The following DERL2 variants were observed in gnomAD, a reference collection of about 807,000 sequenced individuals.
DERL2 encodes the protein derlin 2, also known as derlin-2.
In DERL2, 13 loss-of-function variants were observed where a neutral mutation model predicts 32.0. The observed-to-expected ratio is 0.41, with a 90% CI of 0.26 to 0.65. DERL2 has a LOEUF of 0.65. Ranked by LOEUF, DERL2 falls within the 30% of genes least tolerant of loss-of-function variation. The pLI is 0.35. For synonymous variants in DERL2, 111 were observed against 104.7 expected, an observed-to-expected ratio of 1.06 and a Z score of -0.37; for missense variants, 208 against 296.3, an observed-to-expected ratio of 0.70 and a Z score of 2.19.
chr17:5,485,108 G>A, intron 2 of DERL2, 43 bp downstream of exon 2: 1 of 1,378,062 alleles, frequency 7.3e-7, no homozygotes. Flanking sequence ...GTAAGAAAAA[G>A]AAGAAACTGA....
At chr17:5,486,348 TCGCCAC>T, upstream of DERL2, 1 of 382,588 alleles carries the variant, frequency 2.6e-6, no homozygotes, top group Non-Finnish European at 4.6e-6. Context: ...ACGAGTTGCG[TCGCCAC>T]CGCCCCCCCC....
At chr17:5,475,432 G>T (rs1167552579) in intron 6 of DERL2, among the ~76,000 whole-genome samples, 5 of 151,198 alleles carry the variant, frequency 3.3e-5, no homozygotes, top group Non-Finnish European at 7.4e-5. Context: ...GCTGATTTTT[G>T]TATTTTTAGG....
At chr17:5,486,421 G>C (rs1906322616), upstream of DERL2, 2 of 437,018 alleles carry the variant, frequency 4.6e-6, no homozygotes, top group Admixed American at 3.8e-5. Flanking sequence ...GGAAAAACGA[G>C]TAAGTACAGG....
At chr17:5,486,228 G>T, upstream of DERL2, 3 of 1,363,344 alleles carry the variant, frequency 2.2e-6, no homozygotes, top group Non-Finnish European at 1.9e-6. Flanking sequence ...AGGCCCCGGC[G>T]GCGGGGCGGG....
chr17:5,486,252 C>A, upstream of DERL2: 2 of 1,111,924 alleles, frequency 1.8e-6, no homozygotes, highest in Non-Finnish European at 2.5e-6. Context: ...AAAGGCCCCC[C>A]GCCCACTTTA....
chr17:5,478,223 A>G (rs1905516930), intron 6 of DERL2, among the ~76,000 whole-genome samples: 1 of 152,156 alleles, frequency 6.6e-6, no homozygotes, highest in African/African-American at 2.4e-5. Flanking sequence ...TTAAGAAAGA[A>G]AATAAGCAGA....
chr17:5,479,195 C>T (rs918000526), intron 6 of DERL2, among the ~76,000 whole-genome samples: 1 of 152,190 alleles, frequency 6.6e-6, no homozygotes, highest in African/African-American at 2.4e-5. Flanking sequence ...ATAGTGTATG[C>T]AGCCTTGCCT....
In DERL2 at chr17:5,481,191, G is replaced by C; in HGVS notation, c.327+105C>G. The C allele has an allele frequency of 1.2e-6, 1 of 838,736 alleles. No individual in the cohort carries two copies. Among genetic ancestry groups the C allele is most frequent in the Non-Finnish European group, 2.0e-6 (1 of 498,340 alleles). The allele number at this position is 838,736 out of a possible 1,614,324, so 52.0% of individuals were successfully genotyped here. On this transcript the variant is annotated intron_variant, in intron 4 of 6. Transcript: ENST00000158771. This position sits in a 1 kb window ranked among gnomAD's most constrained non-coding sequence, Gnocchi z 4.4. Reference sequence around the variant, plus strand: ...AAAATGTGCTGTAAAATAAATGATAGTGCCCTGAAGCTAAGATCTAGAGAA... The same window carrying C: ...AAAATGTGCTGTAAAATAAATGATACTGCCCTGAAGCTAAGATCTAGAGAA...
intron 2 of DERL2, among the ~76,000 whole-genome samples, chr17:5,484,405 C>T (rs1906008776): frequency 6.6e-6 from 1 of 152,254 alleles, no homozygotes; most frequent in Non-Finnish European, 1.5e-5. Flanking sequence ...TGCCATCACG[C>T]CTGGCTAATT....
upstream of DERL2, chr17:5,486,809 TCC>T: frequency 6.6e-6 from 1 of 152,638 alleles, no homozygotes; most frequent in Non-Finnish European, 1.5e-5. Flanking sequence ...GACCTGAAGA[TCC>T]CAGCATGCAG....
In DERL2 at chr17:5,479,089, G is replaced by A. The variant is rs377106042; in HGVS notation, c.614+965C>T. 2.5e-4 allele frequency among the ~76,000 whole-genome samples: 38 copies of A among 152,262 alleles called. No homozygotes were observed. In the East Asian group the frequency reaches 3.7e-3, roughly 15 times the overall value. ...TCTGCCTTCACCTCTCAAAGTGCTG[G>A]GATTACAGGAATGTGTTATGTTGTC... On this transcript the variant is annotated intron_variant, in intron 6 of 6. Transcript: ENST00000158771.
intron 6 of DERL2, among the ~76,000 whole-genome samples, chr17:5,475,963 AAG>A (rs962758957): frequency 6.6e-6 from 1 of 152,200 alleles, no homozygotes. Flanking sequence ...CTGTAGGATG[AAG>A]AGAGTTCTAT....
At chr17:5,480,006 T>C in intron 6 of DERL2, 48 bp downstream of exon 6, 1 of 1,182,782 alleles carries the variant, frequency 8.5e-7, no homozygotes, top group South Asian at 1.3e-5. Context: ...ATCATGCCCC[T>C]GTCCTGGTTT....
At position 5,471,399 on chromosome 17, in the gene DERL2, G is replaced by A. The variant is rs1905121101; in HGVS notation, c.*3285C>T. ...TGAGGGAGACAAGACTAATATACATGTACCAGCTAGGAACAGTACAAGACA... is the reference window on the plus strand; with the variant it reads ...TGAGGGAGACAAGACTAATATACATATACCAGCTAGGAACAGTACAAGACA... On this transcript the variant is annotated 3_prime_UTR_variant, in exon 7 of 7. Transcript: ENST00000158771. 1 of 152,208 alleles carries A rather than the reference G, an allele frequency of 6.6e-6. No homozygotes were observed. Among genetic ancestry groups the A allele is most frequent in the Non-Finnish European group, 1.5e-5 (1 of 68,040 alleles). 9.4% of individuals were successfully genotyped at this position (152,208 alleles called of 1,614,324 possible).
At chr17:5,485,464 G>A (rs1906140941) in intron 1 of DERL2, among the ~76,000 whole-genome samples, 2 of 152,164 alleles carry the variant, frequency 1.3e-5, no homozygotes, top group African/African-American at 2.4e-5. Flanking sequence ...CTGACATGAA[G>A]AAATGAGGCA....
At chr17:5,479,307 T>C (rs1000042589) in intron 6 of DERL2, among the ~76,000 whole-genome samples, 1 of 151,870 alleles carries the variant, frequency 6.6e-6, no homozygotes, top group Non-Finnish European at 1.5e-5. Flanking sequence ...TAGTGGACAA[T>C]TTCACTTTCT....
chr17:5,476,610 T>C (rs377060246), intron 6 of DERL2, among the ~76,000 whole-genome samples: 6 of 152,102 alleles, frequency 3.9e-5, no homozygotes, highest in Admixed American at 2.0e-4. Flanking sequence ...GGCAAAACCC[T>C]ATCTCTACTA....
rs1479355098 is a variant in DERL2, at chr17:5,480,535, T to C, written c.375A>G (p.Thr125=). 6 of 1,587,778 alleles carry C rather than the reference T, an allele frequency of 3.8e-6. No homozygotes were observed. Among genetic ancestry groups the C allele is most frequent in the African/African-American group, 1.4e-5 (1 of 72,890 alleles). ...VSLVFLGQAF[T]IMLVYVWSRR... ...GGCTCCACACATAGACGAGCATTATTGTAAAGGCCTGGCCCAAGAAAACTA... is the reference window on the plus strand; with the variant it reads ...GGCTCCACACATAGACGAGCATTATCGTAAAGGCCTGGCCCAAGAAAACTA... The change falls in exon 5 of 7, where the codon ACA becomes ACG. Residue 125 remains threonine (T), a synonymous_variant. Transcript: ENST00000158771.
intron 6 of DERL2, among the ~76,000 whole-genome samples, chr17:5,478,532 A>G (rs1418638659): frequency 6.6e-6 from 1 of 152,260 alleles, no homozygotes; most frequent in African/African-American, 2.4e-5. Flanking sequence ...TATAAATGCT[A>G]GTTGAAATGT....
Sources: gnomAD v4.1 joint callset for allele counts (sites outside exome capture counted in the v4.1 genomes callset) on GRCh38, gnomAD v4.1.1 for gene constraint, Gnocchi (gnomAD v3.1) non-coding constraint, MANE v1.5 for transcripts, NCBI Gene and HGNC (gene_info 2026-07-23, HGNC 2026-07-21) for gene names.